Variants in PIK3CB observed in about 807,000 individuals in gnomAD.
The protein encoded by PIK3CB is phosphatidylinositol 4,5-bisphosphate 3-kinase catalytic subunit beta isoform.
A neutral mutation model predicts 136.8 loss-of-function variants in PIK3CB; 39 were observed. The observed-to-expected ratio is 0.29, with a 90% CI of 0.22 to 0.37. PIK3CB has a LOEUF of 0.37. PIK3CB is among the 10% of genes least tolerant of loss of function. The probability of loss-of-function intolerance (pLI) is 1.00; values close to 1 mark genes in which losing one functional copy is unlikely to be tolerated. For missense variants in PIK3CB, 868 were observed against 1,275.4 expected (o/e 0.68, Z 4.87); for synonymous variants, 428 against 436.6 (o/e 0.98, Z 0.25).
intron 4 of PIK3CB, among the ~76,000 whole-genome samples, chr3:138,754,354 C>T (rs2045526062): frequency 6.6e-6 from 1 of 151,874 alleles, no homozygotes; most frequent in Non-Finnish European, 1.5e-5. Flanking sequence ...GGGAGGATCG[C>T]TTGCGACTGA....
chr3:138,706,876 G>C (rs751345303), intron 11 of PIK3CB, among the ~76,000 whole-genome samples: 2 of 152,124 alleles, frequency 1.3e-5, no homozygotes, highest in African/African-American at 2.4e-5. Flanking sequence ...GGCTGGTCTC[G>C]AACTCCCGAC....
At chr3:138,731,767 G>A (rs1489863519) in intron 8 of PIK3CB, among the ~76,000 whole-genome samples, 1 of 151,700 alleles carries the variant, frequency 6.6e-6, no homozygotes, top group African/African-American at 2.4e-5. Context: ...GGCGGATCAC[G>A]AGGTCAGGAG....
At chr3:138,738,494 T>C (rs919515113) in intron 5 of PIK3CB, among the ~76,000 whole-genome samples, 5 of 152,106 alleles carry the variant, frequency 3.3e-5, no homozygotes, top group African/African-American at 1.2e-4. Flanking sequence ...ATATTTTGTA[T>C]ATATATTTTT....
Position 138,657,677 on chromosome 3 carries a change from G to A in PIK3CB, c.2942+13C>T, listed in dbSNP as rs2043216055. ...TTAGAAGTGTTCAGCCTTGGCACAAGGGCAGTACTCACCGGCCAAACTTTT... is the reference window on the plus strand; with the variant it reads ...TTAGAAGTGTTCAGCCTTGGCACAAAGGCAGTACTCACCGGCCAAACTTTT... On this transcript the variant is annotated intron_variant, in intron 22 of 23. Coordinates refer to ENST00000674063, the MANE Select transcript of PIK3CB (RefSeq NM_006219.3). 3.7e-6 allele frequency: 6 copies of A among 1,611,168 alleles called. No homozygotes were observed. Among genetic ancestry groups the A allele is most frequent in the South Asian group, 2.2e-5 (2 of 90,920 alleles).
chr3:138,659,709 T>C (rs2043255510), intron 21 of PIK3CB, among the ~76,000 whole-genome samples: 1 of 152,124 alleles, frequency 6.6e-6, no homozygotes, highest in Non-Finnish European at 1.5e-5. Flanking sequence ...TCTTTACGTC[T>C]GATGCACTGA....
rs1559809865 is a variant in PIK3CB at position 138,681,040 on chromosome 3, A to AG, written c.2504+926dup. ...AATTGGAACTGACAATTTTCATGTT[A>AG]GTTTTTTTTTTGTTTTTTTTTTTTG... On this transcript the variant is annotated intron_variant, in intron 19 of 23. Coordinates refer to ENST00000674063, the MANE Select transcript of PIK3CB (RefSeq NM_006219.3). Among the ~76,000 whole-genome samples the AG allele has an allele frequency of 4.3e-5, 6 of 139,062 alleles. 1 individual carries two copies. Among genetic ancestry groups the AG allele is most frequent in the South Asian group, 4.6e-4 (2 of 4,334 alleles). The allele number at this position is 139,062 out of a possible 152,430, so 91.2% of individuals were successfully genotyped here. A position where few individuals can be genotyped will look rare whatever the true frequency, so the allele number is the denominator to read the frequency against.
chr3:138,751,178 G>A (rs2045464127), intron 4 of PIK3CB, among the ~76,000 whole-genome samples: 1 of 152,066 alleles, frequency 6.6e-6, no homozygotes, highest in East Asian at 1.9e-4. Context: ...GAAATTTTAG[G>A]CCGGGCGCAG....
chr3:138,727,498 C>A (rs1414602337), intron 8 of PIK3CB, among the ~76,000 whole-genome samples: 1 of 152,200 alleles, frequency 6.6e-6, no homozygotes, highest in East Asian at 1.9e-4. Flanking sequence ...AGAGAGAAGA[C>A]CCCAGCCAAC....
At position 138,663,570 on chromosome 3, in the gene PIK3CB, C is replaced by T. The variant is rs542319973; in HGVS notation, c.2796+336G>A. Among the ~76,000 whole-genome samples, 564 of 152,040 alleles carry T rather than the reference C, an allele frequency of 3.7e-3. 3 individuals are homozygous for T. The highest frequency in any genetic ancestry group is 6.3e-3 in the Non-Finnish European group (431 of 67,972). The stretch of plus-strand genomic sequence containing the variant: ...CTAATTTTTATATTTTTAGTAGAGA[C>T]GGGGTTTCGCCATGTTGACCAGGCT... On this transcript the variant is annotated intron_variant, in intron 21 of 23. Coordinates refer to ENST00000674063, the MANE Select transcript of PIK3CB (RefSeq NM_006219.3).
rs2043173905 is a variant in PIK3CB, at chr3:138,655,409, G to C, written c.3193C>G (p.Arg1065Gly). The change falls in exon 24 of 24, where the codon CGG (arginine) becomes GGG (glycine). Residue 1065 changes from arginine to glycine, a missense_variant. By Grantham distance (125) the Arg-to-Gly change is moderately radical. Around this residue, in one of 4 missense-constraint regions of PIK3CB, gnomAD observed 88 missense variants for 147.8 expected, o/e 0.60. Transcript: ENST00000674063. ...TKVNWMAHTVRKDYRS is the reference protein window; with the variant it reads ...TKVNWMAHTVGKDYRS ...GATCGTTAAGATCTGTAGTCTTTCCGAACTGTGTGGGCCATCCAGTTCACT... is the reference window on the plus strand; with the variant it reads ...GATCGTTAAGATCTGTAGTCTTTCCCAACTGTGTGGGCCATCCAGTTCACT... 1 of 1,614,092 alleles carries C rather than the reference G, an allele frequency of 6.2e-7. No individual in the cohort carries two copies. Among genetic ancestry groups the C allele is most frequent in the African/African-American group, 1.3e-5 (1 of 75,052 alleles).
At chr3:138,830,236 C>T (rs1933962801) in intron 1 of PIK3CB, among the ~76,000 whole-genome samples, 1 of 152,086 alleles carries the variant, frequency 6.6e-6, no homozygotes, top group Non-Finnish European at 1.5e-5. Context: ...CTGCCCACCA[C>T]GGTAAGCCAA....
intron 1 of PIK3CB, among the ~76,000 whole-genome samples, chr3:138,824,892 CAAAAAAAAAAAA>C (rs57342129): frequency 3.2e-5 from 2 of 62,360 alleles, no homozygotes; most frequent in African/African-American, 1.0e-4. Flanking sequence ...TACAAAATAC[CAAAAAAAAAAAA>C]AAAAAAAAAA....
intron 1 of PIK3CB, chr3:138,826,367 G>A (rs1296255111): frequency 8.3e-6 from 13 of 1,558,300 alleles, no homozygotes; most frequent in Non-Finnish European, 1.1e-5. Context: ...GTCTTAATCA[G>A]TGGTGGAAGA....
At chr3:138,767,640 T>A (rs935975629) in intron 2 of PIK3CB, among the ~76,000 whole-genome samples, 1 of 152,120 alleles carries the variant, frequency 6.6e-6, no homozygotes, top group African/African-American at 2.4e-5. Context: ...AATGGGTGTG[T>A]GAGCAAGTGT....
intron 2 of PIK3CB, among the ~76,000 whole-genome samples, chr3:138,771,463 C>T (rs1559872124): frequency 6.6e-6 from 1 of 152,038 alleles, no homozygotes; most frequent in Non-Finnish European, 1.5e-5. Flanking sequence ...CGTGATCTGC[C>T]CACCTCGGCC....
chr3:138,657,929 T>C (rs990069655), intron 21 of PIK3CB, 94 bp from the exon 22 acceptor site: 1 of 1,221,082 alleles, frequency 8.2e-7, no homozygotes, highest in African/African-American at 1.5e-5. Flanking sequence ...CCAGGAACTA[T>C]ACCCATCCAC....
intron 13 of PIK3CB, among the ~76,000 whole-genome samples, chr3:138,696,234 G>A (rs1353583101): frequency 2.0e-5 from 3 of 148,936 alleles, no homozygotes; most frequent in Non-Finnish European, 4.4e-5. Context: ...CCAGCCTGGA[G>A]TGCAGTGGCA....
intron 2 of PIK3CB, among the ~76,000 whole-genome samples, chr3:138,788,986 A>C (rs13088836): frequency 0.48 from 66,248 of 138,944 alleles, 18,292 homozygotes; most frequent in East Asian, 0.98. Flanking sequence ...AAAAAAAAAA[A>C]AAAAAACAAA....
intron 10 of PIK3CB, among the ~76,000 whole-genome samples, chr3:138,711,259 C>A (rs2044491782): frequency 6.7e-6 from 1 of 149,210 alleles, no homozygotes; most frequent in South Asian, 2.1e-4. Context: ...CTGAAAGCAA[C>A]ACACATTCAT....
Sources: allele counts gnomAD v4.1 joint callset (sites outside exome capture counted in the v4.1 genomes callset), GRCh38; gene constraint gnomAD v4.1.1; regional missense constraint gnomAD v4.1.1; transcripts MANE v1.5; gene names NCBI Gene and HGNC (gene_info 2026-07-23, HGNC 2026-07-21).